Variants in CCDC68 observed in about 807,000 individuals in gnomAD.
CCDC68 encodes the protein coiled-coil domain-containing protein 68.
A neutral mutation model predicts 47.1 loss-of-function variants in CCDC68; 45 were observed. That is an observed-to-expected ratio of 0.96 (90% CI 0.75 to 1.23). The LOEUF is 1.23. Among genes scored for constraint, CCDC68 ranks in the 50% most tolerant of loss-of-function variants. The pLI, the probability that CCDC68 is intolerant of heterozygous loss-of-function variation, is 0.00. For synonymous variants in CCDC68, 131 were observed against 129.5 expected (o/e 1.01, Z -0.08); for missense variants, 353 against 373.6 (o/e 0.94, Z 0.45).
intron 4 of CCDC68, among the ~76,000 whole-genome samples, chr18:54,939,176 ACT>A (rs1414062693): frequency 1.3e-5 from 2 of 152,104 alleles, no homozygotes; most frequent in African/African-American, 2.4e-5. Context: ...CCTCACCGTA[ACT>A]CTGTCACAGT....
At chr18:54,949,096 T>C (rs917288183) in intron 1 of CCDC68, among the ~76,000 whole-genome samples, 1 of 152,218 alleles carries the variant, frequency 6.6e-6, no homozygotes, top group African/African-American at 2.4e-5. Flanking sequence ...TGGGTTCCAG[T>C]GATTCTCGTG....
intron 11 of CCDC68, among the ~76,000 whole-genome samples, chr18:54,905,433 G>GGAAC (rs1409210510): frequency 6.7e-6 from 1 of 148,908 alleles, no homozygotes; most frequent in Non-Finnish European, 1.5e-5. Flanking sequence ...AAGGAAGGAA[G>GGAAC]ATCTATATGT....
intron 7 of CCDC68, among the ~76,000 whole-genome samples, chr18:54,930,624 C>CTCCTCCCT (rs2044228264): frequency 3.5e-5 from 1 of 28,516 alleles, no homozygotes; most frequent in Non-Finnish European, 7.1e-5. Flanking sequence ...CCCTTCCCTT[C>CTCCTCCCT]CCCTCCCTCC....
In CCDC68 at chr18:54,904,135, G is replaced by A. The variant is rs1218012998; in HGVS notation, c.*223C>T. 2 of 374,226 alleles carry A rather than the reference G, an allele frequency of 5.3e-6. No homozygotes were observed. Among genetic ancestry groups the A allele is most frequent in the Non-Finnish European group, 9.6e-6 (2 of 208,584 alleles). 23.2% of individuals were successfully genotyped at this position (374,226 alleles called of 1,614,324 possible). ...AGAATCTGTCTTCCATCATGAGAAG[G>A]CACCTGGTTTCTTCAACTATTTGGT... is the stretch of plus-strand genomic sequence containing the variant. On this transcript the variant is annotated 3_prime_UTR_variant, in exon 12 of 12. Coordinates refer to ENST00000591504, the MANE Select transcript of CCDC68 (RefSeq NM_025214.3).
intron 1 of CCDC68, chr18:54,954,296 A>T (rs1476146679): frequency 6.6e-6 from 1 of 151,856 alleles, no homozygotes; most frequent in African/African-American, 2.4e-5. Flanking sequence ...ACCTCAGGCG[A>T]TCCACCCGCC....
chr18:54,918,534 A>C (rs1308733000), intron 9 of CCDC68, among the ~76,000 whole-genome samples: 1 of 152,228 alleles, frequency 6.6e-6, no homozygotes. Flanking sequence ...AGCTGTCATT[A>C]AACTGCTCTA....
At chr18:54,917,205 G>A (rs1184763387) in intron 10 of CCDC68, among the ~76,000 whole-genome samples, 1 of 152,136 alleles carries the variant, frequency 6.6e-6, no homozygotes, top group Non-Finnish European at 1.5e-5. Flanking sequence ...TTAAAACACT[G>A]AAAAGTAAGA....
intron 3 of CCDC68, among the ~76,000 whole-genome samples, chr18:54,941,323 C>T (rs1451377669): frequency 6.6e-6 from 1 of 152,122 alleles, no homozygotes; most frequent in Non-Finnish European, 1.5e-5. Flanking sequence ...TAAAATATCA[C>T]TTAAGTGAAT....
At chr18:54,929,522 G>T (rs576104714) in intron 7 of CCDC68, among the ~76,000 whole-genome samples, 1 of 152,246 alleles carries the variant, frequency 6.6e-6, no homozygotes, top group South Asian at 2.1e-4. Context: ...CATGAAAAAC[G>T]AAGCTGAGAT....
At chr18:54,918,302 T>TA (rs2043990514) in intron 9 of CCDC68, among the ~76,000 whole-genome samples, 1 of 152,156 alleles carries the variant, frequency 6.6e-6, no homozygotes, top group Admixed American at 6.5e-5. Context: ...CTCAGCAACT[T>TA]AATGTTTTCA....
At chr18:54,945,194 CTA>C (rs2044505119) in intron 2 of CCDC68, among the ~76,000 whole-genome samples, 192 bp downstream of exon 2, 1 of 152,242 alleles carries the variant, frequency 6.6e-6, no homozygotes. Context: ...ACATAGATAA[CTA>C]TTGAAACTGG....
chr18:54,949,260 T>A (rs1555678832), intron 1 of CCDC68, among the ~76,000 whole-genome samples: 2 of 152,164 alleles, frequency 1.3e-5, no homozygotes, highest in Non-Finnish European at 2.9e-5. Flanking sequence ...CTTCCCAAAG[T>A]GTTGGGATTA....
intron 1 of CCDC68, among the ~76,000 whole-genome samples, chr18:54,956,279 T>G (rs2044712578): frequency 6.6e-6 from 1 of 152,234 alleles, no homozygotes; most frequent in Admixed American, 6.5e-5. Flanking sequence ...TGAGCCACTG[T>G]GCCCAGCCAA....
intron 10 of CCDC68, among the ~76,000 whole-genome samples, chr18:54,911,064 A>G (rs1239223165): frequency 3.3e-5 from 5 of 152,196 alleles, no homozygotes; most frequent in Non-Finnish European, 5.9e-5. Flanking sequence ...TGCTGCAGCC[A>G]GTGAGATGGC....
intron 10 of CCDC68, among the ~76,000 whole-genome samples, chr18:54,912,558 G>C (rs1012392340): frequency 3.3e-5 from 5 of 152,102 alleles, no homozygotes; most frequent in African/African-American, 1.2e-4. Flanking sequence ...CAACGTAAAA[G>C]ACTATGCAAA....
Position 54,907,826 on chromosome 18 carries a change from C to T in CCDC68, c.910G>A (p.Glu304Lys), listed in dbSNP as rs1286905452. The change falls in exon 11 of 12, where the codon GAA becomes AAA. Residue 304 changes from glutamate (E) to lysine (K), a missense_variant. Transcript: ENST00000591504. ...TTAGATACCTTTGTCCTAGGAGTTTCAGATGAAAGTGCTACCTGGGTTTTT... is the reference window on the plus strand; with the variant it reads ...TTAGATACCTTTGTCCTAGGAGTTTTAGATGAAAGTGCTACCTGGGTTTTT... ...ELKTQVALSS[E>K]TPRTKVSKAV... is the part of the protein sequence containing the mutation. The T allele has an allele frequency of 6.2e-7, 1 of 1,609,170 alleles. No homozygotes were observed. The highest frequency in any genetic ancestry group is 1.1e-5 in the South Asian group (1 of 90,958).
intron 1 of CCDC68, among the ~76,000 whole-genome samples, chr18:54,951,180 T>G (rs8097539): frequency 0.59 from 89,006 of 151,074 alleles, 26,392 homozygotes; most frequent in East Asian, 0.67. Context: ...AGTGCTGGGA[T>G]TACAGGCGTG....
At chr18:54,944,047 G>C (rs1241605055) in intron 2 of CCDC68, among the ~76,000 whole-genome samples, 2 of 151,960 alleles carry the variant, frequency 1.3e-5, no homozygotes, top group Non-Finnish European at 2.9e-5. Flanking sequence ...CAGCTACTCG[G>C]GAGGCTGAAG....
At chr18:54,933,007 T>C (rs747893698) in intron 7 of CCDC68, among the ~76,000 whole-genome samples, 13 of 152,222 alleles carry the variant, frequency 8.5e-5, no homozygotes, top group Non-Finnish European at 1.3e-4. Context: ...CAAGTAAATA[T>C]ACCCCAGAAC....
Sources: allele counts gnomAD v4.1 joint callset (sites outside exome capture counted in the v4.1 genomes callset), GRCh38; gene constraint gnomAD v4.1.1; transcripts MANE v1.5; gene names NCBI Gene and HGNC (gene_info 2026-07-23, HGNC 2026-07-21).